Variants in TRPC4 observed in about 807,000 individuals in gnomAD.
TRPC4 encodes transient receptor potential cation channel subfamily C member 4, also known as short transient receptor potential channel 4.
A neutral mutation model predicts 99.4 loss-of-function variants in TRPC4; 49 were observed. The observed-to-expected ratio is 0.49, with a 90% confidence interval of 0.39 to 0.63. The LOEUF is 0.63. Among genes scored for constraint, TRPC4 ranks in the 20% least tolerant of loss-of-function variants. The pLI, the probability that TRPC4 is intolerant of heterozygous loss-of-function variation, is 0.00. For missense variants in TRPC4, 898 were observed against 1,152.9 expected (o/e 0.78, Z 3.20); for synonymous variants, 454 against 425.9 (o/e 1.07, Z -0.81).
At chr13:37,837,715 T>C (rs776662762) in intron 1 of TRPC4, among the ~76,000 whole-genome samples, 3 of 152,176 alleles carry the variant, frequency 2.0e-5, no homozygotes, top group Non-Finnish European at 4.4e-5. Context: ...TGTGGACTTT[T>C]GAGTTAATGC....
At chr13:37,791,936 C>T (rs1010976824) in intron 1 of TRPC4, among the ~76,000 whole-genome samples, 2 of 152,002 alleles carry the variant, frequency 1.3e-5, no homozygotes, top group Non-Finnish European at 2.9e-5. Context: ...AAGGAAAAAG[C>T]GGAAGAGATG....
At chr13:37,801,878 CA>C (rs566564562) in intron 1 of TRPC4, among the ~76,000 whole-genome samples, 11 of 151,968 alleles carry the variant, frequency 7.2e-5, no homozygotes, top group Non-Finnish European at 1.3e-4. Context: ...AATCGAAGGT[CA>C]TTTTTGGAAG....
chr13:37,645,954 G>A (rs1441896138), intron 8 of TRPC4, among the ~76,000 whole-genome samples: 2 of 152,170 alleles, frequency 1.3e-5, no homozygotes, highest in Non-Finnish European at 2.9e-5. Flanking sequence ...TTAGGAATCC[G>A]GAGACACTCA....
chr13:37,868,879 C>T (rs1219798094), intron 1 of TRPC4, among the ~76,000 whole-genome samples: 5 of 152,080 alleles, frequency 3.3e-5, no homozygotes, highest in African/African-American at 1.2e-4. Flanking sequence ...CCAGTATTCT[C>T]TTGTCTCTAG....
At chr13:37,716,446 A>G (rs557933028) in intron 3 of TRPC4, among the ~76,000 whole-genome samples, 2 of 152,332 alleles carry the variant, frequency 1.3e-5, no homozygotes, top group African/African-American at 4.8e-5. Flanking sequence ...TTTCTTTACC[A>G]TACATTTGCC....
At chr13:37,834,226 A>C (rs549574017) in intron 1 of TRPC4, among the ~76,000 whole-genome samples, 1 of 152,328 alleles carries the variant, frequency 6.6e-6, no homozygotes, top group South Asian at 2.1e-4. Context: ...TCTGAGTACA[A>C]TATTGACAAA....
chr13:37,808,184 A>T (rs1957579948), intron 1 of TRPC4, among the ~76,000 whole-genome samples: 1 of 152,074 alleles, frequency 6.6e-6, no homozygotes, highest in South Asian at 2.1e-4. Flanking sequence ...GATATGTTCA[A>T]ATGGTTCACT....
intron 1 of TRPC4, among the ~76,000 whole-genome samples, chr13:37,850,053 T>A (rs982143158): frequency 1.8e-4 from 28 of 152,236 alleles, no homozygotes; most frequent in African/African-American, 6.5e-4. Context: ...TGTGATCTGG[T>A]CTAATACAGT....
intron 8 of TRPC4, among the ~76,000 whole-genome samples, chr13:37,643,138 G>T (rs907668437): frequency 4.6e-5 from 7 of 152,130 alleles, no homozygotes; most frequent in Non-Finnish European, 1.0e-4. Flanking sequence ...GATAATCCTG[G>T]CACTGTATAT....
chr13:37,743,698 A>G (rs539503232), intron 3 of TRPC4, among the ~76,000 whole-genome samples: 1 of 152,344 alleles, frequency 6.6e-6, no homozygotes, highest in East Asian at 1.9e-4. Context: ...ACCAAAGTGT[A>G]TTAATTACTT....
intron 4 of TRPC4, among the ~76,000 whole-genome samples, chr13:37,681,557 T>C (rs952564067): frequency 6.6e-6 from 1 of 152,200 alleles, no homozygotes; most frequent in South Asian, 2.1e-4. Flanking sequence ...ATAAGCATGG[T>C]AGCGAAATGG....
rs925020199 is a variant in TRPC4 at position 37,670,476 on chromosome 13, A to G, written c.1374+3752T>C. 2.6e-5 allele frequency among the ~76,000 whole-genome samples: 4 copies of G among 152,314 alleles called. No homozygotes were observed. In the Middle Eastern group the frequency reaches 0.01, roughly 389 times the overall value. ...CAATCCTAGCAGAGGTCCTAGTCAT[A>G]ACACCGGTAATCCCGTCTGAAGCAA... is the stretch of plus-strand genomic sequence containing the variant. On this transcript the variant is annotated intron_variant, in intron 5 of 10. Coordinates refer to ENST00000379705, the MANE Select transcript of TRPC4 (RefSeq NM_016179.4).
intron 3 of TRPC4, among the ~76,000 whole-genome samples, chr13:37,705,533 T>C (rs1378350351): frequency 6.6e-6 from 1 of 150,868 alleles, no homozygotes; most frequent in East Asian, 2.0e-4. Context: ...CATTTCAAAA[T>C]ATTATATTGT....
intron 6 of TRPC4, among the ~76,000 whole-genome samples, chr13:37,660,939 A>ATC (rs1952416555): frequency 6.6e-6 from 1 of 152,250 alleles, no homozygotes; most frequent in African/African-American, 2.4e-5. Flanking sequence ...ATCAAGAGAC[A>ATC]GGTGACTTAA....
chr13:37,675,446 C>T (rs1953013703), intron 4 of TRPC4, among the ~76,000 whole-genome samples: 1 of 152,068 alleles, frequency 6.6e-6, no homozygotes, highest in African/African-American at 2.4e-5. Context: ...GACTAGAATC[C>T]CTGGGAGCCA....
intron 1 of TRPC4, among the ~76,000 whole-genome samples, chr13:37,839,880 C>T (rs570414948): frequency 2.6e-5 from 4 of 152,196 alleles, no homozygotes; most frequent in Non-Finnish European, 4.4e-5. Context: ...TTCTCAAATG[C>T]TGTTAACCCT....
Position 37,636,794 on chromosome 13 carries a change from C to T in TRPC4, c.*109G>A, listed in dbSNP as rs10161932. 300,244 of 1,333,458 alleles carry T rather than the reference C, an allele frequency of 0.23. 37,396 individuals are homozygous for T. The highest frequency in any genetic ancestry group is 0.67 in the East Asian group (28,928 of 42,958). 82.6% of individuals were successfully genotyped at this position (1,333,458 alleles called of 1,614,324 possible). ...CAGGTAATATGCCACAGCTGATAAA[C>T]GCTATAAAGTGTAAGTTAGCATTTG... On this transcript the variant is annotated 3_prime_UTR_variant, in exon 11 of 11. Transcript: ENST00000379705.
chr13:37,754,117 C>A (rs1399632505), intron 2 of TRPC4, among the ~76,000 whole-genome samples: 1 of 152,090 alleles, frequency 6.6e-6, no homozygotes, highest in African/African-American at 2.4e-5. Context: ...AAATATAAGT[C>A]ATTTGACCTC....
intron 4 of TRPC4, among the ~76,000 whole-genome samples, chr13:37,683,743 G>A (rs986633935): frequency 3.9e-5 from 6 of 152,164 alleles, no homozygotes; most frequent in African/African-American, 1.4e-4. Context: ...GAGTGAGGAA[G>A]CATGAAGAGC....
Sources: allele counts gnomAD v4.1 joint callset (sites outside exome capture counted in the v4.1 genomes callset), GRCh38; gene constraint gnomAD v4.1.1; transcripts MANE v1.5; gene names NCBI Gene and HGNC (gene_info 2026-07-23, HGNC 2026-07-21).